The following OAS2 variants were observed in gnomAD, a reference collection of about 807,000 sequenced individuals.
The protein encoded by OAS2 is 2'-5'-oligoadenylate synthetase 2.
Under a neutral mutation model 71.3 loss-of-function variants are expected in OAS2, and 67 were observed. The observed-to-expected ratio is 0.94, with a 90% CI of 0.77 to 1.15. The LOEUF (loss-of-function observed/expected upper bound fraction) is 1.15, where lower values mean the gene tolerates loss of function less well. Ranked by LOEUF, OAS2 falls within the 50% of genes most tolerant of loss-of-function variation. The pLI, the probability that OAS2 is intolerant of heterozygous loss-of-function variation, is 0.00. For missense variants in OAS2, 789 were observed against 822.5 expected, an observed-to-expected ratio of 0.96 and a Z score of 0.50; for synonymous variants, 327 against 321.8, an observed-to-expected ratio of 1.02 and a Z score of -0.17.
chr12:112,994,326 G>T (rs539946596), intron 2 of OAS2, among the ~76,000 whole-genome samples: 2 of 152,326 alleles, frequency 1.3e-5, no homozygotes, highest in Non-Finnish European at 1.5e-5. Flanking sequence ...GGCAACACTT[G>T]TTTCCGCCAT....
Position 112,978,546 on chromosome 12 carries a change from A to C in OAS2, c.-63A>C, listed in dbSNP as rs567352882. On this transcript the variant is annotated 5_prime_UTR_variant, in exon 1 of 10. Coordinates refer to ENST00000392583, the MANE Select transcript of OAS2 (RefSeq NM_002535.3). The surrounding 1 kb of genome is among the most constrained non-coding windows in gnomAD (Gnocchi z 4.2). ...TTTCAGTTTCCTGGCTCTGGGCAGC[A>C]GCAAGAATTCCTCTGCCTCCCATCC... The C allele has an allele frequency of 2.7e-4, 417 of 1,572,434 alleles. No individual in the cohort carries two copies. The highest frequency in any genetic ancestry group is 3.4e-4 in the Non-Finnish European group (393 of 1,144,414).
intron 1 of OAS2, among the ~76,000 whole-genome samples, chr12:112,980,402 C>A (rs1256655862): frequency 2.0e-5 from 3 of 152,206 alleles, no homozygotes; most frequent in Non-Finnish European, 1.5e-5. Context: ...TTCATTTCCT[C>A]CTCTACTTCC....
intron 9 of OAS2, 136 bp downstream of exon 9, chr12:113,008,079 C>T (rs2044350483): frequency 2.8e-6 from 2 of 707,036 alleles, no homozygotes; most frequent in Non-Finnish European, 5.0e-6. Flanking sequence ...CAGAACCTGT[C>T]ACAGTCTCCA....
intron 7 of OAS2, 41 bp from the exon 8 acceptor site, chr12:113,006,372 A>G: frequency 7.0e-7 from 1 of 1,436,918 alleles, no homozygotes; most frequent in African/African-American, 1.4e-5. Flanking sequence ...GTTACTTACT[A>G]TGTGTATTAA....
chr12:112,996,106 T>C (rs1189237109), intron 3 of OAS2, among the ~76,000 whole-genome samples: 1 of 152,202 alleles, frequency 6.6e-6, no homozygotes, highest in Non-Finnish European at 1.5e-5. Context: ...CCAGCCATAG[T>C]AGCACTTTTT....
Position 113,005,127 on chromosome 12 carries a change from A to G in OAS2, c.1373A>G (p.Lys458Arg), listed in dbSNP as rs1261230468. 3.1e-6 allele frequency: 5 copies of G among 1,614,028 alleles called. No homozygotes were observed. Among genetic ancestry groups the G allele is most frequent in the Admixed American group, 3.3e-5 (2 of 60,028 alleles). The change falls in exon 7 of 10, where the codon AAG (lysine) becomes AGG (arginine). Residue 458 changes from lysine (K) to arginine (R), a missense_variant. Transcript: ENST00000392583. Reference sequence around the variant, plus strand: ...CTTGAAGTCAGCTTTGAGCCTCCCAAGTGGAAGGCTCCCAGGGTGCTGAGC... The same window carrying G: ...CTTGAAGTCAGCTTTGAGCCTCCCAGGTGGAAGGCTCCCAGGGTGCTGAGC... ...EELEVSFEPPKWKAPRVLSFS... is the reference protein window; with the variant it reads ...EELEVSFEPPRWKAPRVLSFS...
At chr12:112,980,472 CCACATAAA>C (rs1406483996) in intron 1 of OAS2, among the ~76,000 whole-genome samples, 1 of 152,114 alleles carries the variant, frequency 6.6e-6, no homozygotes, top group Non-Finnish European at 1.5e-5. Flanking sequence ...TTTTTAACTT[CCACATAAA>C]CACATGCAAT....
intron 2 of OAS2, among the ~76,000 whole-genome samples, chr12:112,991,069 C>G (rs2044187327): frequency 6.6e-6 from 1 of 152,208 alleles, no homozygotes; most frequent in African/African-American, 2.4e-5. Context: ...CTGTACCACT[C>G]ACCACCAACT....
chr12:113,001,052 C>T (rs1251344761), intron 5 of OAS2, among the ~76,000 whole-genome samples: 3 of 152,136 alleles, frequency 2.0e-5, no homozygotes, highest in Non-Finnish European at 4.4e-5. Context: ...GCTTAAAACA[C>T]ATGAATTTGA....
chr12:112,994,715 C>T (rs963867146), intron 2 of OAS2, among the ~76,000 whole-genome samples: 1 of 152,134 alleles, frequency 6.6e-6, no homozygotes, highest in African/African-American at 2.4e-5. Flanking sequence ...AGCCACCGTG[C>T]CTGGCTAAAT....
intron 3 of OAS2, among the ~76,000 whole-genome samples, 184 bp downstream of exon 3, chr12:112,995,658 TC>T (rs1459871324): frequency 6.6e-6 from 1 of 152,166 alleles, no homozygotes; most frequent in African/African-American, 2.4e-5. Context: ...AAGCCCATTG[TC>T]CCCCTAGTAA....
chr12:112,989,152 G>A (rs1249930985), intron 2 of OAS2, among the ~76,000 whole-genome samples: 1 of 152,154 alleles, frequency 6.6e-6, no homozygotes, highest in Non-Finnish European at 1.5e-5. Context: ...ATGGAGGCAG[G>A]TATTTCCCAT....
At chr12:113,004,746 T>C (rs1227738456) in intron 6 of OAS2, among the ~76,000 whole-genome samples, 188 bp from the exon 7 acceptor site, 2 of 152,234 alleles carry the variant, frequency 1.3e-5, no homozygotes, top group African/African-American at 4.8e-5. Context: ...AACTGTATTG[T>C]TTAATAACTG....
intron 4 of OAS2, among the ~76,000 whole-genome samples, chr12:112,998,029 T>A (rs946303545): frequency 1.3e-5 from 2 of 152,102 alleles, no homozygotes; most frequent in Non-Finnish European, 2.9e-5. Flanking sequence ...AGAAAGGGGA[T>A]GGGGGGCAGG....
Position 113,003,009 on chromosome 12 carries a change from C to T in OAS2, c.1086C>T (p.Phe362=), listed in dbSNP as rs181599146. Residue 362 remains phenylalanine (F), a synonymous_variant, in exon 6 of 10, where the codon TTC becomes TTT. Transcript: ENST00000392583. ...AGTTTCTCCAGCCCAACAAATGCTT[C>T]CTAGAGCAGATTGACAGTGCTGTTA... The part of the protein sequence containing the change: ...IKEFLQPNKC[F]LEQIDSAVNI... 1 of 1,614,146 alleles carries T rather than the reference C, an allele frequency of 6.2e-7. No homozygotes were observed. Among genetic ancestry groups the T allele is most frequent in the African/African-American group, 1.3e-5 (1 of 75,052 alleles).
intron 2 of OAS2, among the ~76,000 whole-genome samples, chr12:112,990,452 A>C (rs1052864801): frequency 2.0e-5 from 3 of 152,206 alleles, no homozygotes; most frequent in African/African-American, 7.2e-5. Flanking sequence ...GAGTTGTGGA[A>C]GACAAGGTTC....
intron 3 of OAS2, among the ~76,000 whole-genome samples, chr12:112,996,573 A>C (rs1335214569): frequency 6.6e-6 from 1 of 152,018 alleles, no homozygotes; most frequent in Non-Finnish European, 1.5e-5. Context: ...TTGCAGTGAG[A>C]GAGTGAAGCA....
rs770799871 is a variant in OAS2, at chr12:113,005,222, G to A, written c.1468G>A (p.Gly490Ser). The A allele has an allele frequency of 2.5e-6, 4 of 1,610,846 alleles. No individual in the cohort carries two copies. The highest frequency in any genetic ancestry group is 2.7e-5 in the African/African-American group (2 of 74,684). ...TGTGCTTCCTGCCTTTAATGCACTG[G>A]GTAAGGCTCCCCAGACCTTAGCTTG... Reference protein sequence around the residue: ...FDVLPAFNALGQLSSGSTPSP... With the variant: ...FDVLPAFNALSQLSSGSTPSP... Residue 490 changes from glycine (G) to serine (S), a missense_variant and splice_region_variant, in exon 7 of 10, where the codon GGT becomes AGT. By Grantham distance (56) the Gly-to-Ser change is moderately conservative. Transcript: ENST00000392583.
At chr12:113,003,175 G>A in intron 6 of OAS2, 73 bp downstream of exon 6, 2 of 1,478,324 alleles carry the variant, frequency 1.4e-6, no homozygotes, top group South Asian at 2.4e-5. Flanking sequence ...AGGTAAGTGG[G>A]CATTGTAGCT....
Sources: gnomAD v4.1 joint callset for allele counts (sites outside exome capture counted in the v4.1 genomes callset) on GRCh38, gnomAD v4.1.1 for gene constraint, Gnocchi (gnomAD v3.1) non-coding constraint, MANE v1.5 for transcripts, NCBI Gene and HGNC (gene_info 2026-07-23, HGNC 2026-07-21) for gene names.